The following GRB14 variants were observed in gnomAD, a reference collection of about 807,000 sequenced individuals.
The protein encoded by GRB14 is growth factor receptor bound protein 14, also known as growth factor receptor-bound protein 14.
Under a neutral mutation model 69.1 loss-of-function variants are expected in GRB14, and 38 were observed. The ratio of observed to expected loss-of-function variants is 0.55; its 90% CI spans 0.42 to 0.72. The LOEUF (loss-of-function observed/expected upper bound fraction) is 0.72. GRB14 is among the 30% of genes least tolerant of loss of function. The probability of loss-of-function intolerance (pLI) is 0.00; values close to 1 mark genes in which losing one functional copy is unlikely to be tolerated. For synonymous variants in GRB14, 247 were observed against 241.3 expected (o/e 1.02, Z -0.22); for missense variants, 666 against 666.1 (o/e 1.00, Z 0.00).
At position 164,555,337 on chromosome 2, in the gene GRB14, A is replaced by G. The variant is rs907789730; in HGVS notation, c.325-7521T>C. On this transcript the variant is annotated intron_variant, in intron 2 of 13. Coordinates refer to ENST00000263915, the MANE Select transcript of GRB14 (RefSeq NM_004490.3). ...TGACTGGAAAGTCATTAATTATGCC[A>G]TAGGTTTGCCCCACTTATTCTTTGT... 2.6e-5 allele frequency among the ~76,000 whole-genome samples: 4 copies of G among 152,252 alleles called. No individual in the cohort carries two copies. The South Asian group carries it at 8.3e-4, about 31-fold the overall frequency.
intron 2 of GRB14, among the ~76,000 whole-genome samples, chr2:164,591,192 G>C (rs1279141377): frequency 6.6e-6 from 1 of 152,136 alleles, no homozygotes; most frequent in Non-Finnish European, 1.5e-5. Flanking sequence ...GACTTTCTAA[G>C]ACTAGGGAAG....
At chr2:164,516,789 C>T (rs1014520233) in intron 6 of GRB14, among the ~76,000 whole-genome samples, 5 of 152,070 alleles carry the variant, frequency 3.3e-5, no homozygotes, top group Non-Finnish European at 1.5e-5. Flanking sequence ...TTTGGGATGC[C>T]GAGGTGGGTG....
intron 3 of GRB14, among the ~76,000 whole-genome samples, chr2:164,540,121 T>C (rs1688193410): frequency 6.6e-6 from 1 of 152,138 alleles, no homozygotes; most frequent in Non-Finnish European, 1.5e-5. Flanking sequence ...TTCCACCTTA[T>C]TGACTCCACT....
chr2:164,559,874 T>C (rs1046909721), intron 2 of GRB14, among the ~76,000 whole-genome samples: 1 of 152,194 alleles, frequency 6.6e-6, no homozygotes, highest in African/African-American at 2.4e-5. Flanking sequence ...CTGTTTTCCA[T>C]AGTGGTTGTA....
intron 2 of GRB14, among the ~76,000 whole-genome samples, chr2:164,596,560 T>A (rs566737649): frequency 6.6e-6 from 1 of 152,352 alleles, no homozygotes; most frequent in Admixed American, 6.5e-5. Context: ...TATGTAGGAT[T>A]CTCTCATAGC....
At chr2:164,619,386 G>A (rs1052938687) in intron 2 of GRB14, among the ~76,000 whole-genome samples, 3 of 152,122 alleles carry the variant, frequency 2.0e-5, no homozygotes, top group South Asian at 2.1e-4. Context: ...GCTTAAAAAT[G>A]ATCATCTCTT....
intron 2 of GRB14, among the ~76,000 whole-genome samples, chr2:164,595,218 T>A (rs1689755135): frequency 6.6e-6 from 1 of 152,246 alleles, no homozygotes; most frequent in Non-Finnish European, 1.5e-5. Flanking sequence ...TTCAGTTTGG[T>A]AAGCCTACTC....
At chr2:164,544,982 A>G (rs1203963041) in intron 3 of GRB14, among the ~76,000 whole-genome samples, 2 of 152,248 alleles carry the variant, frequency 1.3e-5, no homozygotes, top group Non-Finnish European at 2.9e-5. Context: ...ATTCCATTTC[A>G]TAAGAGAAAG....
chr2:164,551,735 C>T (rs552299130), intron 2 of GRB14, among the ~76,000 whole-genome samples: 18 of 152,152 alleles, frequency 1.2e-4, no homozygotes, highest in Non-Finnish European at 2.5e-4. Context: ...GAAAGCCTTC[C>T]CTGACTGTCC....
In GRB14 at chr2:164,596,505, T is replaced by C. The variant is rs182760329; in HGVS notation, c.324+23182A>G. ...AAGGACTAAAAACCAAAGTCCTTTT[T>C]AAAAAGTTTCCTTACATGTTATTCT... On this transcript the variant is annotated intron_variant, in intron 2 of 13. Coordinates refer to ENST00000263915, the MANE Select transcript of GRB14 (RefSeq NM_004490.3). Among the ~76,000 whole-genome samples, 443 of 152,330 alleles carry C rather than the reference T, an allele frequency of 2.9e-3. 2 individuals carry two copies. Among genetic ancestry groups the C allele is most frequent in the Non-Finnish European group, 5.7e-3 (385 of 68,030 alleles).
intron 2 of GRB14, among the ~76,000 whole-genome samples, chr2:164,602,821 G>A (rs953991797): frequency 1.3e-5 from 2 of 152,140 alleles, no homozygotes; most frequent in Non-Finnish European, 1.5e-5. Context: ...CCTAAGCAGG[G>A]CACCTAACAT....
At chr2:164,537,515 G>T (rs1267296328) in intron 3 of GRB14, among the ~76,000 whole-genome samples, 3 of 152,142 alleles carry the variant, frequency 2.0e-5, no homozygotes, top group Non-Finnish European at 4.4e-5. Context: ...CAGGTCACAA[G>T]ATGCTACAAG....
intron 2 of GRB14, among the ~76,000 whole-genome samples, chr2:164,553,690 T>C (rs1038599896): frequency 3.9e-5 from 6 of 152,112 alleles, no homozygotes; most frequent in South Asian, 4.1e-4. Context: ...AAAGGGCCAG[T>C]GCGGTGGCTC....
chr2:164,507,650 C>T (rs575906797), intron 8 of GRB14, among the ~76,000 whole-genome samples: 1 of 152,258 alleles, frequency 6.6e-6, no homozygotes, highest in East Asian at 1.9e-4. Flanking sequence ...GCAATACTAA[C>T]TAATGTGGAC....
intron 2 of GRB14, among the ~76,000 whole-genome samples, chr2:164,596,392 C>G (rs1322792924): frequency 6.6e-6 from 1 of 152,154 alleles, no homozygotes; most frequent in Admixed American, 6.5e-5. Context: ...AAAATCAGAG[C>G]AATCCTGAAC....
intron 6 of GRB14, among the ~76,000 whole-genome samples, chr2:164,517,167 C>T (rs1687513826): frequency 6.6e-6 from 1 of 152,186 alleles, no homozygotes; most frequent in Non-Finnish European, 1.5e-5. Flanking sequence ...AAAGGCACAT[C>T]TCACATGGCA....
intron 2 of GRB14, among the ~76,000 whole-genome samples, chr2:164,560,259 TA>T (rs1559051119): frequency 2.6e-5 from 4 of 152,214 alleles, no homozygotes; most frequent in Non-Finnish European, 5.9e-5. Flanking sequence ...ATTAGATGTA[TA>T]CATACATATA....
chr2:164,540,829 T>A (rs886285017), intron 3 of GRB14, among the ~76,000 whole-genome samples: 1 of 152,192 alleles, frequency 6.6e-6, no homozygotes, highest in African/African-American at 2.4e-5. Flanking sequence ...CAGCAAAATA[T>A]AGGCTTGGTA....
chr2:164,511,120 G>A (rs570674223), intron 6 of GRB14, among the ~76,000 whole-genome samples: 3 of 152,252 alleles, frequency 2.0e-5, no homozygotes, highest in South Asian at 4.1e-4. Flanking sequence ...GAGTTCTGGC[G>A]AGCCTCCCAA....
Sources: gnomAD v4.1 joint callset for allele counts (sites outside exome capture counted in the v4.1 genomes callset) on GRCh38, gnomAD v4.1.1 for gene constraint, MANE v1.5 for transcripts, NCBI Gene and HGNC (gene_info 2026-07-23, HGNC 2026-07-21) for gene names.